Variants in MRE11 observed in about 807,000 individuals in gnomAD.
The protein encoded by MRE11 is MRE11 double strand break repair nuclease.
Under a neutral mutation model 91.7 loss-of-function variants are expected in MRE11, and 62 were observed. The ratio of observed to expected loss-of-function variants is 0.68; its 90% CI spans 0.55 to 0.84. The LOEUF (loss-of-function observed/expected upper bound fraction) is 0.84, where lower values mean the gene tolerates loss of function less well. MRE11 is among the 40% of genes least tolerant of loss of function. The pLI, the probability that MRE11 is intolerant of heterozygous loss-of-function variation, is 0.00. For synonymous variants in MRE11, 273 were observed against 271.4 expected (o/e 1.01, Z -0.06); for missense variants, 796 against 852.9 (o/e 0.93, Z 0.83).
At chr11:94,492,332 G>A (rs1395468551) in intron 2 of MRE11, among the ~76,000 whole-genome samples, 2 of 152,128 alleles carry the variant, frequency 1.3e-5, no homozygotes, top group South Asian at 2.1e-4. Flanking sequence ...AGATGATCCC[G>A]CTAGCCTCGG....
intron 19 of MRE11, among the ~76,000 whole-genome samples, chr11:94,420,528 C>T (rs1281051084): frequency 6.6e-6 from 1 of 152,126 alleles, no homozygotes; most frequent in Non-Finnish European, 1.5e-5. Flanking sequence ...CATTTTATTA[C>T]AGTTGTATCT....
At chr11:94,477,194 T>G (rs1946884415) in intron 6 of MRE11, among the ~76,000 whole-genome samples, 1 of 152,210 alleles carries the variant, frequency 6.6e-6, no homozygotes, top group African/African-American at 2.4e-5. Context: ...TTATAAATTA[T>G]ATATACTTTT....
At chr11:94,510,714 C>T in the MRE11 span, among the ~76,000 whole-genome samples, 2 of 152,136 alleles carry the variant, frequency 1.3e-5, no homozygotes, top group Non-Finnish European at 2.9e-5. Context: ...ATAACTCACC[C>T]ATCAAATTAT....
At chr11:94,491,031 G>C in intron 2 of MRE11, 66 bp from the exon 3 acceptor site, 1 of 968,326 alleles carries the variant, frequency 1.0e-6, no homozygotes, top group Non-Finnish European at 1.6e-6. Context: ...CAAACAAATT[G>C]AGACAAACTT....
chr11:94,481,453 G>C (rs1394547248), intron 4 of MRE11, among the ~76,000 whole-genome samples: 10 of 152,278 alleles, frequency 6.6e-5, no homozygotes, highest in African/African-American at 2.4e-4. Flanking sequence ...GCAATTGGTT[G>C]CAAATATTCT....
At chr11:94,456,471 C>T in intron 13 of MRE11, 133 bp from the exon 14 acceptor site, 1 of 716,110 alleles carries the variant, frequency 1.4e-6, no homozygotes, top group South Asian at 1.7e-5. Flanking sequence ...AAAAGTAAAT[C>T]ATATTTTTCC....
At chr11:94,483,477 A>G (rs1414783008) in intron 4 of MRE11, among the ~76,000 whole-genome samples, 1 of 152,138 alleles carries the variant, frequency 6.6e-6, no homozygotes, top group Non-Finnish European at 1.5e-5. Flanking sequence ...GTGATAGTGA[A>G]TAAGTCTAAA....
intron 14 of MRE11, 112 bp from the exon 15 acceptor site, chr11:94,447,550 CT>C: frequency 9.2e-7 from 1 of 1,089,422 alleles, no homozygotes; most frequent in Non-Finnish European, 1.4e-6. Context: ...ATAAAGGAGG[CT>C]GACACAGTGG....
chr11:94,449,487 G>A (rs1404581240), intron 14 of MRE11, among the ~76,000 whole-genome samples: 2 of 152,274 alleles, frequency 1.3e-5, no homozygotes, highest in South Asian at 4.1e-4. Context: ...TTATGGAGAC[G>A]CAGAGTGGTA....
chr11:94,465,466 G>A (rs1946538643), intron 10 of MRE11, among the ~76,000 whole-genome samples: 1 of 146,024 alleles, frequency 6.8e-6, no homozygotes, highest in African/African-American at 2.6e-5. Flanking sequence ...CACAATCTCA[G>A]CTCACTGCAA....
intron 14 of MRE11, among the ~76,000 whole-genome samples, chr11:94,452,568 CCAT>C (rs2134947228): frequency 6.6e-6 from 1 of 152,230 alleles, no homozygotes; most frequent in African/African-American, 2.4e-5. Flanking sequence ...CAATTACTAA[CCAT>C]CATTTCTAAA....
chr11:94,471,867 C>T (rs1946725641), intron 7 of MRE11, 108 bp from the exon 8 acceptor site: 3 of 855,292 alleles, frequency 3.5e-6, no homozygotes, highest in Admixed American at 2.3e-5. Flanking sequence ...TTATTGCATC[C>T]TTCTATGTAC....
chr11:94,472,482 A>G (rs1946743398), intron 7 of MRE11, among the ~76,000 whole-genome samples: 1 of 152,100 alleles, frequency 6.6e-6, no homozygotes. Context: ...AACACTGTCT[A>G]CTTTATGTCA....
the MRE11 span, among the ~76,000 whole-genome samples, chr11:94,509,186 AT>A: frequency 2.0e-5 from 3 of 152,184 alleles, no homozygotes; most frequent in East Asian, 5.8e-4. Flanking sequence ...ACTGTAATAC[AT>A]TTCTGCATTT....
intron 2 of MRE11, among the ~76,000 whole-genome samples, chr11:94,492,393 A>C (rs1232917814): frequency 6.6e-6 from 1 of 152,150 alleles, no homozygotes; most frequent in Non-Finnish European, 1.5e-5. Flanking sequence ...TTCCCATTCC[A>C]TTCAAATTCA....
At chr11:94,479,890 T>C in intron 4 of MRE11, 129 bp from the exon 5 acceptor site, 1 of 688,648 alleles carries the variant, frequency 1.5e-6, no homozygotes, top group Middle Eastern at 3.9e-4. Context: ...ACCACTAGTT[T>C]AGAGCTTTAA....
At chr11:94,460,814 A>G (rs1946393652) in intron 12 of MRE11, 122 bp downstream of exon 12, 1 of 815,422 alleles carries the variant, frequency 1.2e-6, no homozygotes, top group South Asian at 1.5e-5. Context: ...TTGTCACCCT[A>G]CTTACTTCAT....
chr11:94,470,887 T>C (rs962463125), intron 8 of MRE11, among the ~76,000 whole-genome samples: 4 of 152,164 alleles, frequency 2.6e-5, no homozygotes, highest in African/African-American at 9.6e-5. Flanking sequence ...TCTTGTAAGA[T>C]AGACATAATA....
intron 19 of MRE11, among the ~76,000 whole-genome samples, chr11:94,420,848 C>T (rs201533841): frequency 2.6e-5 from 4 of 152,136 alleles, no homozygotes; most frequent in Middle Eastern, 3.4e-3. Flanking sequence ...CTGGCTAGCA[C>T]GGTGAAACCC....
Sources: allele counts gnomAD v4.1 joint callset (sites outside exome capture counted in the v4.1 genomes callset), GRCh38; gene constraint gnomAD v4.1.1; transcripts MANE v1.5; gene names NCBI Gene and HGNC (gene_info 2026-07-23, HGNC 2026-07-21).